The following BCLAF1 variants were observed in gnomAD, a reference collection of about 807,000 sequenced individuals.
BCLAF1 encodes the protein bcl-2-associated transcription factor 1.
BCLAF1 carries 10 observed loss-of-function variants against 99.5 expected under a neutral mutation model. That is an observed-to-expected ratio of 0.10 (90% confidence interval 0.06 to 0.17). BCLAF1 has a LOEUF of 0.17. BCLAF1 is among the 10% of genes least tolerant of loss of function. The pLI, the probability that BCLAF1 is intolerant of heterozygous loss-of-function variation, is 1.00. For synonymous variants in BCLAF1, 255 were observed against 370.9 expected (o/e 0.69, Z 3.59); for missense variants, 636 against 1,105.8 (o/e 0.58, Z 6.02).
In BCLAF1 at chr6:136,260,017, G is replaced by A. The variant is rs1322547665; in HGVS notation, c.*1093C>T. 1.3e-5 allele frequency: 2 copies of A among 151,940 alleles called. No individual in the cohort carries two copies. Among genetic ancestry groups the A allele is most frequent in the South Asian group, 2.1e-4 (1 of 4,832 alleles). The allele number at this position is 151,940 out of a possible 1,614,324, so 9.4% of individuals were successfully genotyped here. On this transcript the variant is annotated 3_prime_UTR_variant, in exon 13 of 13. Coordinates refer to ENST00000531224, the MANE Select transcript of BCLAF1 (RefSeq NM_014739.3). ...CAAAAACTGCAACTGAAATGGGGGG[G>A]AAAAAGGTTAGATCAATGCCGCAAC... is the stretch of plus-strand genomic sequence containing the variant.
intron 3 of BCLAF1, 108 bp from the exon 4 acceptor site, chr6:136,278,884 C>G: frequency 8.7e-7 from 1 of 1,152,822 alleles, no homozygotes; most frequent in South Asian, 2.1e-5. Context: ...GGCAAAAATA[C>G]ACTTTTTTAA....
intron 2 of BCLAF1, among the ~76,000 whole-genome samples, 180 bp downstream of exon 2, chr6:136,282,404 G>T (rs554671179): frequency 6.6e-6 from 1 of 152,078 alleles, no homozygotes; most frequent in African/African-American, 2.4e-5. Flanking sequence ...GACAGAAAAA[G>T]AACCTTTTTC....
intron 6 of BCLAF1, chr6:136,274,151 G>C (rs1343038002): frequency 7.8e-7 from 1 of 1,288,732 alleles, no homozygotes; most frequent in African/African-American, 1.5e-5. Flanking sequence ...ATTTTACTTT[G>C]AAACATGGAT....
chr6:136,262,450 C>A (rs962883302), intron 11 of BCLAF1, among the ~76,000 whole-genome samples: 3 of 152,164 alleles, frequency 2.0e-5, no homozygotes, highest in African/African-American at 7.2e-5. Context: ...CGTAATATGG[C>A]ATATGAGTAT....
chr6:136,270,712 T>C (rs1782392564), intron 8 of BCLAF1, among the ~76,000 whole-genome samples: 1 of 151,834 alleles, frequency 6.6e-6, no homozygotes. Flanking sequence ...ATGTTATTCA[T>C]CCAGACAGGA....
Position 136,281,509 on chromosome 6 carries a change from G to A in BCLAF1, c.-11+1075C>T, listed in dbSNP as rs566738377. Reference sequence around the variant, plus strand: ...AAAGTTTTTAAAAGAATATAAATACGTAATTTACATTCATTCTGATCGAAT... The same window carrying A: ...AAAGTTTTTAAAAGAATATAAATACATAATTTACATTCATTCTGATCGAAT... On this transcript the variant is annotated intron_variant, in intron 2 of 12. Transcript: ENST00000531224. Among the ~76,000 whole-genome samples the A allele has an allele frequency of 7.9e-5, 12 of 152,158 alleles. No homozygotes were observed. The East Asian group carries it at 1.3e-3, about 17-fold the overall frequency.
intron 1 of BCLAF1, among the ~76,000 whole-genome samples, chr6:136,285,415 G>A (rs1785000493): frequency 6.6e-6 from 1 of 152,148 alleles, no homozygotes; most frequent in Non-Finnish European, 1.5e-5. Flanking sequence ...TGTGTTTGCC[G>A]TTTTTCGTGC....
rs1325522539 is a variant in BCLAF1 at position 136,259,381 on chromosome 6, A to C, written c.*1729T>G. 1 of 152,068 alleles carries C rather than the reference A, an allele frequency of 6.6e-6. No individual in the cohort carries two copies. The highest frequency in any genetic ancestry group is 1.5e-5 in the Non-Finnish European group (1 of 67,908). 9.4% of individuals were successfully genotyped at this position (152,068 alleles called of 1,614,324 possible). A position where few individuals can be genotyped will look rare whatever the true frequency, so the allele number is the denominator to read the frequency against. On this transcript the variant is annotated 3_prime_UTR_variant, in exon 13 of 13. Coordinates refer to ENST00000531224, the MANE Select transcript of BCLAF1 (RefSeq NM_014739.3). ...TGTCTAACCAAGTAACTGTTATGGT[A>C]TTTATTTGTATACAATAAAAGGGTC... is the stretch of plus-strand genomic sequence containing the variant.
intron 2 of BCLAF1, 92 bp from the exon 3 acceptor site, chr6:136,279,968 T>A (rs1784153040): frequency 1.0e-5 from 13 of 1,271,292 alleles, no homozygotes; most frequent in African/African-American, 1.5e-5. Flanking sequence ...AATTTGATTT[T>A]TACAAGTTTC....
At chr6:136,270,965 C>CAAAACA (rs763061646) in intron 8 of BCLAF1, among the ~76,000 whole-genome samples, 72 of 151,036 alleles carry the variant, frequency 4.8e-4, no homozygotes, top group Middle Eastern at 3.4e-3. Context: ...ACGCCCCATG[C>CAAAACA]AAAACAAAAA....
Position 136,258,349 on chromosome 6 carries a change from T to C in BCLAF1, c.*2761A>G, listed in dbSNP as rs188527678. The C allele has an allele frequency of 2.1e-4, 32 of 151,954 alleles. No homozygotes were observed. The highest frequency in any genetic ancestry group is 1.8e-3 in the Admixed American group (27 of 15,272). The allele number at this position is 151,954 out of a possible 1,614,324, so 9.4% of individuals were successfully genotyped here. A position where few individuals can be genotyped will look rare whatever the true frequency, so the allele number is the denominator to read the frequency against. The stretch of plus-strand genomic sequence containing the variant: ...AATTTTGGCTTAGATTTACCAACTG[T>C]AAAATTTCCCATTTTCCCAGGGGAG... On this transcript the variant is annotated 3_prime_UTR_variant, in exon 13 of 13. Coordinates refer to ENST00000531224, the MANE Select transcript of BCLAF1 (RefSeq NM_014739.3).
intron 8 of BCLAF1, 84 bp from the exon 9 acceptor site, chr6:136,269,696 G>A (rs1782245100): frequency 1.9e-6 from 2 of 1,057,034 alleles, no homozygotes; most frequent in African/African-American, 1.7e-5. Flanking sequence ...TAAATTTTAT[G>A]CCAGCTTCTA....
intron 7 of BCLAF1, among the ~76,000 whole-genome samples, chr6:136,272,696 A>G (rs1029548280): frequency 6.6e-6 from 1 of 151,988 alleles, no homozygotes; most frequent in African/African-American, 2.4e-5. Flanking sequence ...CAAAGTCAGG[A>G]TTTCAACACA....
rs1459865202 is a variant in BCLAF1 at position 136,258,915 on chromosome 6, T to C, written c.*2195A>G. Reference sequence around the variant, plus strand: ...GGAAATATCCTTTGGTTCATTTTTATTGCCCCTCTCTAGGCAAAACAAAGT... The same window carrying C: ...GGAAATATCCTTTGGTTCATTTTTACTGCCCCTCTCTAGGCAAAACAAAGT... On this transcript the variant is annotated 3_prime_UTR_variant, in exon 13 of 13. Coordinates refer to ENST00000531224, the MANE Select transcript of BCLAF1 (RefSeq NM_014739.3). 6.6e-6 allele frequency: 1 copy of C among 152,520 alleles called. No individual in the cohort carries two copies. Among genetic ancestry groups the C allele is most frequent in the Non-Finnish European group, 1.5e-5 (1 of 67,928 alleles). The allele number at this position is 152,520 out of a possible 1,614,324, so 9.4% of individuals were successfully genotyped here.
intron 2 of BCLAF1, among the ~76,000 whole-genome samples, chr6:136,281,517 C>T (rs1215492942): frequency 2.0e-5 from 3 of 152,148 alleles, no homozygotes; most frequent in Non-Finnish European, 4.4e-5. Flanking sequence ...ACGTAATTTA[C>T]ATTCATTCTG....
rs574494473 is a variant in BCLAF1 at position 136,275,743 on chromosome 6, T to C, written c.1683-42A>G. On this transcript the variant is annotated intron_variant, in intron 5 of 12. Transcript: ENST00000531224. ...ACACACACACACACAAAATATACCA[T>C]TGGTTTAAATATAAAAATGGTATGT... 1.0e-4 allele frequency: 157 copies of C among 1,559,048 alleles called. 1 individual carries two copies. Among genetic ancestry groups the C allele is most frequent in the South Asian group, 5.8e-4 (47 of 80,878 alleles).
chr6:136,288,656 G>A (rs1785497701), intron 1 of BCLAF1, among the ~76,000 whole-genome samples: 1 of 152,196 alleles, frequency 6.6e-6, no homozygotes, highest in Non-Finnish European at 1.5e-5. Context: ...TTTGTTTCCA[G>A]TTCTAAAATG....
intron 4 of BCLAF1, among the ~76,000 whole-genome samples, chr6:136,277,147 A>T (rs186561663): frequency 1.3e-3 from 200 of 152,338 alleles, no homozygotes; most frequent in African/African-American, 4.6e-3. Context: ...TGAAGCAACC[A>T]ATTTTCACTG....
rs1229378593 is a variant in BCLAF1, at chr6:136,275,571, A to G, written c.1813T>C (p.Phe605Leu). 1 of 1,580,752 alleles carries G rather than the reference A, an allele frequency of 6.3e-7. No homozygotes were observed. The highest frequency in any genetic ancestry group is 1.7e-4 in the Middle Eastern group (1 of 5,870). ...PQASKSTSES[F>L]IQHIVSLVHH... The stretch of plus-strand genomic sequence containing the variant: ...ACCAAGGACACAATGTGTTGAATAA[A>G]TGACTCTGAAGTGCTTTTGCTGGCC... The change falls in exon 6 of 13, where the codon TTT (phenylalanine) becomes CTT (leucine). Residue 605 changes from phenylalanine to leucine, a missense_variant. Around this residue, in one of 9 missense-constraint regions of BCLAF1, gnomAD observed 180 missense variants for 270.0 expected, o/e 0.67. Transcript: ENST00000531224.
Sources: gnomAD v4.1 joint callset for allele counts (sites outside exome capture counted in the v4.1 genomes callset) on GRCh38, gnomAD v4.1.1 for gene constraint, gnomAD v4.1.1 regional missense constraint, MANE v1.5 for transcripts, NCBI Gene and HGNC (gene_info 2026-07-23, HGNC 2026-07-21) for gene names.